Variants in ZNF596 observed in about 807,000 individuals in gnomAD.
ZNF596 encodes the protein zinc finger protein 596.
Under a neutral mutation model 48.3 loss-of-function variants are expected in ZNF596, and 45 were observed. That is an observed-to-expected ratio of 0.93 (90% confidence interval 0.73 to 1.19). ZNF596 has a LOEUF of 1.19. Among genes scored for constraint, ZNF596 ranks in the 50% most tolerant of loss-of-function variants. The pLI is 0.00. For missense variants in ZNF596, 848 were observed against 599.7 expected, an observed-to-expected ratio of 1.41 and a Z score of -4.32; for synonymous variants, 270 against 202.0, an observed-to-expected ratio of 1.34 and a Z score of -2.85.
chr8:243,108 A>T, intron 3 of ZNF596, 95 bp downstream of exon 3: 3 of 1,189,590 alleles, frequency 2.5e-6, no homozygotes, highest in Non-Finnish European at 3.4e-6. Flanking sequence ...CGTGCTTAGA[A>T]CAGCTTTCTC....
chr8:243,202 G>C (rs1483499111), intron 3 of ZNF596, 189 bp downstream of exon 3: 1 of 439,110 alleles, frequency 2.3e-6, no homozygotes, highest in Non-Finnish European at 3.9e-6. Flanking sequence ...CACTTATATT[G>C]ATTTGTCCTC....
chr8:244,803 C>T lies in ZNF596; in HGVS notation c.306+102C>T, dbSNP rs1796997802. ...TACCTGACTGTACTTAAAGCCCTCC[C>T]AGCAGTTTTAGATAGTTTGGATTTA... On this transcript the variant is annotated intron_variant, in intron 5 of 5. Transcript: ENST00000398612. 17 of 956,484 alleles carry T rather than the reference C, an allele frequency of 1.8e-5. No homozygotes were observed. In the South Asian group the frequency reaches 2.5e-4, roughly 14 times the overall value. 59.2% of individuals were successfully genotyped at this position (956,484 alleles called of 1,614,324 possible).
intron 1 of ZNF596, chr8:234,471 G>C (rs1052606277): frequency 6.6e-6 from 1 of 152,206 alleles, no homozygotes; most frequent in Non-Finnish European, 1.5e-5. Context: ...AAGAGGGTGT[G>C]TTGATGAGAG....
At chr8:236,992 G>A (rs1796642901) in intron 1 of ZNF596, 1 of 152,244 alleles carries the variant, frequency 6.6e-6, no homozygotes, top group African/African-American at 2.4e-5. Context: ...TCACATGTAA[G>A]AACTCTCACA....
chr8:243,899 GTT>G, intron 4 of ZNF596, 94 bp downstream of exon 4: 1 of 1,116,544 alleles, frequency 9.0e-7, no homozygotes, highest in East Asian at 2.6e-5. Flanking sequence ...GATTTCTTTT[GTT>G]TTTTTAGACA....
chr8:245,216 T>C lies in ZNF596; in HGVS notation c.369T>C (p.His123=), dbSNP rs764993915. The part of the protein sequence containing the change: ...CNDLGEDFTQ[H]IALTQNVITY... ...ACTTAGGAGAAGATTTCACTCAACA[T>C]ATAGCATTGACTCAAAATGTGATTA... Residue 123 remains histidine (H), a synonymous_variant, in exon 6 of 6, where the codon CAT becomes CAC. Coordinates refer to ENST00000398612, the MANE Select transcript of ZNF596 (RefSeq NM_001042416.3). 7 of 1,613,742 alleles carry C rather than the reference T, an allele frequency of 4.3e-6. No individual in the cohort carries two copies. In the African/African-American group the frequency reaches 5.3e-5, roughly 12 times the overall value.
Position 242,978 on chromosome 8 carries a change from T to C in ZNF596, c.104T>C (p.Val35Ala), listed in dbSNP as rs1796915096. The change falls in exon 3 of 6, where the codon GTG (valine) becomes GCG (alanine). Residue 35 changes from valine (V) to alanine (A), a missense_variant. By Grantham distance (64) the Val-to-Ala change is moderately conservative. Coordinates refer to ENST00000398612, the MANE Select transcript of ZNF596 (RefSeq NM_001042416.3). ...DTSQRKLFQDVMLENISHLVS... is the reference protein window; with the variant it reads ...DTSQRKLFQDAMLENISHLVS... ...TCCCAGAGAAAGCTGTTTCAAGATGTGATGTTGGAGAACATCAGTCATCTG... is the reference window on the plus strand; with the variant it reads ...TCCCAGAGAAAGCTGTTTCAAGATGCGATGTTGGAGAACATCAGTCATCTG... The C allele has an allele frequency of 6.2e-7, 1 of 1,612,306 alleles. No individual in the cohort carries two copies. The highest frequency in any genetic ancestry group is 1.7e-5 in the Admixed American group (1 of 59,948).
intron 5 of ZNF596, 75 bp downstream of exon 5, chr8:244,776 G>C: frequency 2.4e-6 from 3 of 1,227,296 alleles, no homozygotes. Flanking sequence ...ATTTGGTACA[G>C]GTACCTGACT....
At chr8:244,834 G>T in intron 5 of ZNF596, 133 bp downstream of exon 5, 1 of 753,530 alleles carries the variant, frequency 1.3e-6, no homozygotes, top group Non-Finnish European at 2.2e-6. Context: ...ATTTAGTGAA[G>T]ACGTTAACTT....
At position 246,909 on chromosome 8, in the gene ZNF596, T is replaced by C. The variant is rs1462459464; in HGVS notation, c.*547T>C. On this transcript the variant is annotated 3_prime_UTR_variant, in exon 6 of 6. Coordinates refer to ENST00000398612, the MANE Select transcript of ZNF596 (RefSeq NM_001042416.3). ...CATTCATAGTGGAGAAGTTATTCAA[T>C]GAAAACTCATGAGAAATCCTTTTCT... 1 of 153,774 alleles carries C rather than the reference T, an allele frequency of 6.5e-6. No individual in the cohort carries two copies. Among genetic ancestry groups the C allele is most frequent in the Non-Finnish European group, 1.4e-5 (1 of 69,194 alleles). 9.5% of individuals were successfully genotyped at this position (153,774 alleles called of 1,614,324 possible).
chr8:234,178 G>C (rs1796534953), intron 1 of ZNF596, among the ~76,000 whole-genome samples: 1 of 152,198 alleles, frequency 6.6e-6, no homozygotes, highest in Admixed American at 6.6e-5. Flanking sequence ...AAAAAGCCTT[G>C]CCCATTCTCA....
intron 1 of ZNF596, chr8:233,673 G>A (rs1389614176): frequency 6.6e-6 from 1 of 152,226 alleles, no homozygotes; most frequent in Non-Finnish European, 1.5e-5. Flanking sequence ...TGTTCATAAT[G>A]AATAGACTGC....
Position 244,670 on chromosome 8 carries a change from A to T in ZNF596, c.275A>T (p.Tyr92Phe). The T allele has an allele frequency of 6.2e-7, 1 of 1,613,610 alleles. No individual in the cohort carries two copies. Among genetic ancestry groups the T allele is most frequent in the Non-Finnish European group, 8.5e-7 (1 of 1,179,786 alleles). ...HQEIPFIQHI[Y>F]QKGTSTISTM... ...GAGATACCATTCATTCAACATATCTATCAGAAGGGCACGTCCACCATCAGC... is the reference window on the plus strand; with the variant it reads ...GAGATACCATTCATTCAACATATCTTTCAGAAGGGCACGTCCACCATCAGC... The change falls in exon 5 of 6, where the codon TAT becomes TTT. Residue 92 changes from tyrosine to phenylalanine, a missense_variant. Coordinates refer to ENST00000398612, the MANE Select transcript of ZNF596 (RefSeq NM_001042416.3).
chr8:232,535 G>C lies in ZNF596; in HGVS notation c.-232G>C, dbSNP rs1158533754. Reference sequence around the variant, plus strand: ...TCACAGGCTCGGCAACCGCCCTCCTGTCGGCGGGGAGTCCCGCGACGCCCG... The same window carrying C: ...TCACAGGCTCGGCAACCGCCCTCCTCTCGGCGGGGAGTCCCGCGACGCCCG... On this transcript the variant is annotated 5_prime_UTR_variant, in exon 1 of 6. Coordinates refer to ENST00000398612, the MANE Select transcript of ZNF596 (RefSeq NM_001042416.3). 1 of 311,308 alleles carries C rather than the reference G, an allele frequency of 3.2e-6. No individual in the cohort carries two copies. The highest frequency in any genetic ancestry group is 6.6e-6 in the Non-Finnish European group (1 of 151,750). 19.3% of individuals were successfully genotyped at this position (311,308 alleles called of 1,614,324 possible). A position where few individuals can be genotyped will look rare whatever the true frequency, so the allele number is the denominator to read the frequency against.
rs1584914251 is a variant in ZNF596, at chr8:244,847, A to C, written c.306+146A>C. The C allele has an allele frequency of 8.3e-6, 6 of 721,420 alleles. No individual in the cohort carries two copies. The East Asian group carries it at 1.4e-4, about 16-fold the overall frequency. The allele number at this position is 721,420 out of a possible 1,614,324, so 44.7% of individuals were successfully genotyped here. A position where few individuals can be genotyped will look rare whatever the true frequency, so the allele number is the denominator to read the frequency against. ...GGATTTAGTGAAGACGTTAACTTCA[A>C]ATCAAAACCATAATATGAGGCCTTA... is the stretch of plus-strand genomic sequence containing the variant. On this transcript the variant is annotated intron_variant, in intron 5 of 5. Transcript: ENST00000398612.
chr8:236,862 G>T (rs1310537083), intron 1 of ZNF596, among the ~76,000 whole-genome samples: 1 of 152,072 alleles, frequency 6.6e-6, no homozygotes, highest in Non-Finnish European at 1.5e-5. Flanking sequence ...GAAAATTGTT[G>T]GTTAAATTTG....
In ZNF596 at chr8:245,378, C is replaced by A; in HGVS notation, c.531C>A (p.Ile177=). 1.2e-6 allele frequency: 2 copies of A among 1,614,160 alleles called. No individual in the cohort carries two copies. Among genetic ancestry groups the A allele is most frequent in the African/African-American group, 1.3e-5 (1 of 75,062 alleles). The change falls in exon 6 of 6, where the codon ATC becomes ATA. Residue 177 remains isoleucine (I), a synonymous_variant. Transcript: ENST00000398612. The part of the protein sequence containing the change: ...YGSHLFDYAF[I]QNSALRPHSV... Reference sequence around the variant, plus strand: ...GTCATCTATTTGATTATGCCTTTATCCAAAACTCTGCCCTTAGACCACACA... The same window carrying A: ...GTCATCTATTTGATTATGCCTTTATACAAAACTCTGCCCTTAGACCACACA...
At position 245,410 on chromosome 8, in the gene ZNF596, C is replaced by G. The variant is rs1201636592; in HGVS notation, c.563C>G (p.Thr188Ser). Residue 188 changes from threonine (T) to serine (S), a missense_variant, in exon 6 of 6, where the codon ACT (threonine) becomes AGT (serine). Thr to Ser is a moderately conservative substitution (Grantham distance 58). Transcript: ENST00000398612. ...QNSALRPHSV[T>S]HTREITLECR... ...TCTGCCCTTAGACCACACAGTGTGA[C>G]TCACACTAGAGAGATAACATTGGAA... 4 of 1,614,158 alleles carry G rather than the reference C, an allele frequency of 2.5e-6. No individual in the cohort carries two copies. The highest frequency in any genetic ancestry group is 1.1e-5 in the South Asian group (1 of 91,090).
chr8:246,117 T>C lies in ZNF596; in HGVS notation c.1270T>C (p.Cys424Arg). 1.2e-6 allele frequency: 2 copies of C among 1,613,522 alleles called. No individual in the cohort carries two copies. Among genetic ancestry groups the C allele is most frequent in the East Asian group, 4.5e-5 (2 of 44,862 alleles). The change falls in exon 6 of 6, where the codon TGC (cysteine) becomes CGC (arginine). Residue 424 changes from cysteine (C) to arginine (R), a missense_variant. Coordinates refer to ENST00000398612, the MANE Select transcript of ZNF596 (RefSeq NM_001042416.3). ...TGEKPYECHL[C>R]GKAFNHSSVL... ...AGAAAAACCATATGAATGCCATCTA[T>C]GCGGAAAAGCCTTCAATCACTCTTC...
Sources: gnomAD v4.1 joint callset for allele counts (sites outside exome capture counted in the v4.1 genomes callset) on GRCh38, gnomAD v4.1.1 for gene constraint, MANE v1.5 for transcripts, NCBI Gene and HGNC (gene_info 2026-07-23, HGNC 2026-07-21) for gene names.